The following CDK14 variants were observed in gnomAD, a reference collection of about 807,000 sequenced individuals.
CDK14 encodes cyclin-dependent kinase 14.
A neutral mutation model predicts 60.7 loss-of-function variants in CDK14; 34 were observed. That is an observed-to-expected ratio of 0.56 (90% CI 0.43 to 0.75). The LOEUF is 0.75. Among genes scored for constraint, CDK14 ranks in the 30% least tolerant of loss-of-function variants. The pLI, the probability that CDK14 is intolerant of heterozygous loss-of-function variation, is 0.00. For synonymous variants in CDK14, 197 were observed against 203.7 expected (o/e 0.97, Z 0.28); for missense variants, 482 against 564.1 (o/e 0.85, Z 1.47).
intron 10 of CDK14, among the ~76,000 whole-genome samples, chr7:91,001,324 A>T (rs1795827461): frequency 1.3e-5 from 2 of 152,198 alleles, no homozygotes; most frequent in Non-Finnish European, 2.9e-5. Flanking sequence ...TCTACCAAAA[A>T]TAATGAAAGA....
chr7:90,843,044 C>T (rs1790350224), intron 5 of CDK14, among the ~76,000 whole-genome samples: 1 of 152,100 alleles, frequency 6.6e-6, no homozygotes, highest in Non-Finnish European at 1.5e-5. Context: ...AAATGTTCTT[C>T]TGTTAATTAT....
At chr7:91,084,708 T>C (rs1295739174) in intron 12 of CDK14, among the ~76,000 whole-genome samples, 1 of 152,226 alleles carries the variant, frequency 6.6e-6, no homozygotes, top group Non-Finnish European at 1.5e-5. Flanking sequence ...CGTTTTTTGA[T>C]CCCCTTCTGA....
Position 90,953,163 on chromosome 7 carries a change from A to G in CDK14, c.827-2534A>G, listed in dbSNP as rs564776148. 4.8e-5 allele frequency among the ~76,000 whole-genome samples: 7 copies of G among 146,994 alleles called. No individual in the cohort carries two copies. The South Asian group carries it at 8.9e-4, about 19-fold the overall frequency. On this transcript the variant is annotated intron_variant, in intron 8 of 14. Coordinates refer to ENST00000380050, the MANE Select transcript of CDK14 (RefSeq NM_001287135.2). ...GGGTAAAAATTTTTTGTTCATCAAT[A>G]TAGAGGACACTTTCTACAATAAATT...
chr7:90,675,692 G>A (rs568189931), intron 2 of CDK14, among the ~76,000 whole-genome samples: 1 of 152,236 alleles, frequency 6.6e-6, no homozygotes, highest in East Asian at 1.9e-4. Context: ...CAAATGGGCT[G>A]CTTTCTAAAT....
intron 9 of CDK14, among the ~76,000 whole-genome samples, chr7:90,977,716 A>G (rs1404818046): frequency 1.3e-5 from 2 of 152,110 alleles, no homozygotes; most frequent in Non-Finnish European, 2.9e-5. Context: ...TCCTACTTCC[A>G]TGCTGTACTC....
intron 10 of CDK14, among the ~76,000 whole-genome samples, chr7:91,037,023 C>G (rs2115974825): frequency 6.6e-6 from 1 of 152,338 alleles, no homozygotes; most frequent in East Asian, 1.9e-4. Flanking sequence ...TCTCTTTTGA[C>G]TTCTAGTAGG....
At chr7:90,941,060 A>C (rs1455361315) in intron 8 of CDK14, among the ~76,000 whole-genome samples, 1 of 152,212 alleles carries the variant, frequency 6.6e-6, no homozygotes, top group Non-Finnish European at 1.5e-5. Context: ...TGTGATGGTT[A>C]TGCTTCAAGA....
chr7:91,175,619 C>T (rs1414728093), intron 14 of CDK14, among the ~76,000 whole-genome samples: 1 of 151,330 alleles, frequency 6.6e-6, no homozygotes, highest in Non-Finnish European at 1.5e-5. Context: ...GGAAGATCTA[C>T]CAAGCCAATG....
In CDK14 at chr7:90,638,078, G is replaced by T. The variant is rs11972159; in HGVS notation, c.123+33829G>T. 9.2e-3 allele frequency among the ~76,000 whole-genome samples: 1,387 copies of T among 151,486 alleles called. 18 individuals carry two copies. Among genetic ancestry groups the T allele is most frequent in the African/African-American group, 0.031 (1,278 of 41,132 alleles). ...CAACACACTGATGGGTCTGGACTCT[G>T]TATCCAATTTGCCAGTCTGTGTCTT... On this transcript the variant is annotated intron_variant, in intron 2 of 14. Coordinates refer to ENST00000380050, the MANE Select transcript of CDK14 (RefSeq NM_001287135.2).
At chr7:90,823,975 C>G (rs1789635368) in intron 5 of CDK14, among the ~76,000 whole-genome samples, 1 of 152,104 alleles carries the variant, frequency 6.6e-6, no homozygotes, top group African/African-American at 2.4e-5. Context: ...AACAATAACT[C>G]AAAATTTTGG....
chr7:91,104,771 G>T (rs993988325), intron 12 of CDK14, among the ~76,000 whole-genome samples: 1 of 152,154 alleles, frequency 6.6e-6, no homozygotes, highest in African/African-American at 2.4e-5. Flanking sequence ...GTGAAAAAAT[G>T]TCAGCCTGAA....
intron 8 of CDK14, among the ~76,000 whole-genome samples, chr7:90,948,857 A>G (rs957291976): frequency 1.3e-5 from 2 of 152,236 alleles, no homozygotes; most frequent in African/African-American, 4.8e-5. Flanking sequence ...AACCTCTACC[A>G]GGCATTTAGT....
chr7:90,645,585 G>C (rs1362665685), intron 2 of CDK14, among the ~76,000 whole-genome samples: 3 of 151,896 alleles, frequency 2.0e-5, no homozygotes, highest in Non-Finnish European at 4.4e-5. Flanking sequence ...GAAAAATCCT[G>C]GGTATTTTCC....
intron 14 of CDK14, among the ~76,000 whole-genome samples, chr7:91,194,782 A>G (rs1449119242): frequency 1.3e-5 from 2 of 152,204 alleles, no homozygotes; most frequent in African/African-American, 4.8e-5. Context: ...AATATGTTGC[A>G]TTCTTGATTT....
At chr7:90,754,966 G>A (rs887063961) in intron 4 of CDK14, among the ~76,000 whole-genome samples, 9 of 151,938 alleles carry the variant, frequency 5.9e-5, no homozygotes, top group Non-Finnish European at 1.0e-4. Context: ...TCAAAAACAG[G>A]TGCTGGGAAG....
At chr7:90,930,369 A>G (rs1319915856) in intron 8 of CDK14, among the ~76,000 whole-genome samples, 7 of 152,088 alleles carry the variant, frequency 4.6e-5, no homozygotes, top group African/African-American at 1.2e-4. Context: ...AGTTCCCTAC[A>G]TTTTGTCAGC....
At chr7:91,088,694 A>G (rs980237282) in intron 12 of CDK14, among the ~76,000 whole-genome samples, 1 of 152,046 alleles carries the variant, frequency 6.6e-6, no homozygotes, top group African/African-American at 2.4e-5. Context: ...ATCTTTGTGT[A>G]TCTCTATGTG....
intron 2 of CDK14, among the ~76,000 whole-genome samples, chr7:90,630,597 G>A (rs891159057): frequency 1.3e-5 from 2 of 152,104 alleles, no homozygotes; most frequent in East Asian, 3.9e-4. Flanking sequence ...TACCATTCTG[G>A]CAAATCCCAT....
At chr7:90,741,675 A>C (rs1335727626) in intron 3 of CDK14, among the ~76,000 whole-genome samples, 1 of 152,210 alleles carries the variant, frequency 6.6e-6, no homozygotes, top group Non-Finnish European at 1.5e-5. Context: ...TTTATGGAAG[A>C]GATTAGTATC....
Sources: gnomAD v4.1 joint callset for allele counts (sites outside exome capture counted in the v4.1 genomes callset) on GRCh38, gnomAD v4.1.1 for gene constraint, MANE v1.5 for transcripts, NCBI Gene and HGNC (gene_info 2026-07-23, HGNC 2026-07-21) for gene names.